Variants in PTCH2 observed in about 807,000 individuals in gnomAD.
PTCH2 encodes the protein protein patched homolog 2.
In PTCH2, 96 loss-of-function variants were observed where a neutral mutation model predicts 117.9. That is an observed-to-expected ratio of 0.81 (90% CI 0.69 to 0.96). PTCH2 has a LOEUF of 0.96. PTCH2 is among the 50% of genes least tolerant of loss of function. The pLI is 0.00. For missense variants in PTCH2, 1,379 were observed against 1,562.5 expected (o/e 0.88, Z 1.98); for synonymous variants, 615 against 660.9 (o/e 0.93, Z 1.06).
Position 44,843,091 on chromosome 1 carries a change from C to A in PTCH2, c.-159G>T. On this transcript the variant is annotated 5_prime_UTR_variant, in exon 1 of 22. Transcript: ENST00000372192. Reference sequence around the variant, plus strand: ...AGACTGTGGGGTGTGGGTGTTAAAGCGGCTGGGAGGGAGGAGTGCAGGGAG... The same window carrying A: ...AGACTGTGGGGTGTGGGTGTTAAAGAGGCTGGGAGGGAGGAGTGCAGGGAG... The A allele has an allele frequency of 7.2e-7, 1 of 1,390,724 alleles. No individual in the cohort carries two copies. Among genetic ancestry groups the A allele is most frequent in the Non-Finnish European group, 9.3e-7 (1 of 1,075,198 alleles). The allele number at this position is 1,390,724 out of a possible 1,614,324, so 86.1% of individuals were successfully genotyped here.
Position 44,828,023 on chromosome 1 carries a change from T to C in PTCH2, c.1878A>G (p.Pro626=). 1 of 1,613,770 alleles carries C rather than the reference T, an allele frequency of 6.2e-7. No individual in the cohort carries two copies. The highest frequency in any genetic ancestry group is 8.5e-7 in the Non-Finnish European group (1 of 1,179,930). ...ILPPQAHLVP[P]PSDPLGSELF... Reference sequence around the variant, plus strand: ...GCTCAGAGCCCAGTGGGTCAGAAGGTGGGGGCACCAGGTGGGCTTGGGGAG... The same window carrying C: ...GCTCAGAGCCCAGTGGGTCAGAAGGCGGGGGCACCAGGTGGGCTTGGGGAG... The change falls in exon 14 of 22, where the codon CCA becomes CCG. Residue 626 remains proline, a synonymous_variant. Transcript: ENST00000372192.
chr1:44,824,253 A>G (rs1317290843), intron 19 of PTCH2, among the ~76,000 whole-genome samples: 1 of 152,198 alleles, frequency 6.6e-6, no homozygotes, highest in Non-Finnish European at 1.5e-5. Context: ...ACCTTTCTGC[A>G]TGCTGGCTTT....
rs781578319 is a variant in PTCH2 at position 44,829,029 on chromosome 1, G to A, written c.1417C>T (p.Leu473=). The stretch of plus-strand genomic sequence containing the variant: ...GCCTCTGTGAAGGCATGCGCCAGCA[G>A]GAATACGTCATCCACGCCGATTCCC... ...ALGIGVDDVF[L]LAHAFTEALP... is the part of the protein sequence containing the mutation. Residue 473 remains leucine (L), a synonymous_variant, in exon 11 of 22, where the codon CTG becomes TTG. Transcript: ENST00000372192. 12 of 1,589,082 alleles carry A rather than the reference G, an allele frequency of 7.6e-6. No homozygotes were observed. Among genetic ancestry groups the A allele is most frequent in the Non-Finnish European group, 1.0e-5 (12 of 1,167,560 alleles).
intron 2 of PTCH2, 104 bp from the exon 3 acceptor site, chr1:44,832,445 G>A: frequency 1.6e-6 from 2 of 1,222,230 alleles, no homozygotes; most frequent in East Asian, 4.7e-5. Flanking sequence ...AGTGGGAGAG[G>A]TGCGGCAGAG....
At chr1:44,828,255 G>C (rs2148876142) in intron 13 of PTCH2, 41 bp downstream of exon 13, 1 of 1,612,772 alleles carries the variant, frequency 6.2e-7, no homozygotes, top group Non-Finnish European at 8.5e-7. Flanking sequence ...GGACAGGCTG[G>C]CGTGGGTCAC....
intron 15 of PTCH2, 38 bp downstream of exon 15, chr1:44,827,364 C>T (rs771834628): frequency 3.1e-6 from 5 of 1,613,494 alleles, no homozygotes; most frequent in Non-Finnish European, 8.5e-7. Context: ...GCGTTTCTCC[C>T]TGCAGCACCC....
downstream of PTCH2, chr1:44,821,810 T>G (rs1434336238): frequency 1.5e-6 from 2 of 1,355,864 alleles, no homozygotes; most frequent in Non-Finnish European, 2.0e-6. Context: ...GAATCTGGGG[T>G]CTTTTCCACC....
At chr1:44,835,515 G>GT (rs1653646674) in intron 2 of PTCH2, among the ~76,000 whole-genome samples, 1 of 152,156 alleles carries the variant, frequency 6.6e-6, no homozygotes, top group Non-Finnish European at 1.5e-5. Flanking sequence ...CTCGTTGCTG[G>GT]TTTACAAGAG....
At position 44,826,215 on chromosome 1, in the gene PTCH2, G is replaced by A. The variant is rs1161379449; in HGVS notation, c.3114+35C>T. Reference sequence around the variant, plus strand: ...ACAATATGTGTTGAATACTGAATCAGCTGATTGGTCCCTCCCCGGGGTGCC... The same window carrying A: ...ACAATATGTGTTGAATACTGAATCAACTGATTGGTCCCTCCCCGGGGTGCC... On this transcript the variant is annotated intron_variant, in intron 19 of 21. Transcript: ENST00000372192. This position sits in a 1 kb window ranked among gnomAD's most constrained non-coding sequence, Gnocchi z 5.1. 1 of 1,608,764 alleles carries A rather than the reference G, an allele frequency of 6.2e-7. No individual in the cohort carries two copies. The highest frequency in any genetic ancestry group is 8.5e-7 in the Non-Finnish European group (1 of 1,177,562).
rs149379394 is a variant in PTCH2 at position 44,831,039 on chromosome 1, G to A, written c.622C>T (p.Arg208Cys). The change falls in exon 6 of 22, where the codon CGC becomes TGC. Residue 208 changes from arginine (R) to cysteine (C), a missense_variant. Transcript: ENST00000372192. This position sits in a 1 kb window ranked among gnomAD's most constrained non-coding sequence, Gnocchi z 4.3. ...AGGTTGGTCCACTGGATATCCGGGC[G>A]GCCGCTGAGGGAAAAGCCTATAGTT... ...LQGGSAYLPG[R>C]PDIQWTNLDP... The A allele has an allele frequency of 1.7e-4, 279 of 1,610,746 alleles. 1 individual carries two copies. In the African/African-American group the frequency reaches 3.4e-3, roughly 20 times the overall value.
intron 2 of PTCH2, among the ~76,000 whole-genome samples, chr1:44,834,911 T>C (rs1653619459): frequency 6.6e-6 from 1 of 152,204 alleles, no homozygotes; most frequent in South Asian, 2.1e-4. Flanking sequence ...GGAAATTGCA[T>C]GGCACACAGT....
chr1:44,830,785 G>T, intron 6 of PTCH2, 63 bp downstream of exon 6: 15 of 1,474,360 alleles, frequency 1.0e-5, no homozygotes, highest in Non-Finnish European at 1.4e-5. Context: ...CAGAACACAG[G>T]AGTATGAGGA....
chr1:44,826,483 C>G lies in PTCH2; in HGVS notation c.2976+5G>C. The G allele has an allele frequency of 1.5e-5, 25 of 1,613,880 alleles. No homozygotes were observed. The highest frequency in any genetic ancestry group is 2.1e-5 in the Non-Finnish European group (25 of 1,180,006). On this transcript the variant is annotated splice_donor_5th_base_variant and intron_variant, in intron 18 of 21. Coordinates refer to ENST00000372192, the MANE Select transcript of PTCH2 (RefSeq NM_003738.5). This position sits in a 1 kb window ranked among gnomAD's most constrained non-coding sequence, Gnocchi z 5.1. Reference sequence around the variant, plus strand: ...GTCTCTGTCCCCACTCCTGCAAGCACTCACTATGAGGCCAGCCGTCCAGGG... The same window carrying G: ...GTCTCTGTCCCCACTCCTGCAAGCAGTCACTATGAGGCCAGCCGTCCAGGG...
At chr1:44,821,799 A>G, downstream of PTCH2, 1 of 1,345,782 alleles carries the variant, frequency 7.4e-7, no homozygotes, top group African/African-American at 1.5e-5. Context: ...ACAAAAATCC[A>G]GAATCTGGGG....
chr1:44,828,690 G>A (rs1293253076), intron 11 of PTCH2, 59 bp from the exon 12 acceptor site: 1 of 1,577,730 alleles, frequency 6.3e-7, no homozygotes, highest in South Asian at 1.1e-5. Context: ...GTGTCAAAGT[G>A]GAGTGAAGGG....
chr1:44,829,094 G>C lies in PTCH2; in HGVS notation c.1372-20C>G. 2 of 1,613,424 alleles carry C rather than the reference G, an allele frequency of 1.2e-6. No individual in the cohort carries two copies. The highest frequency in any genetic ancestry group is 1.7e-5 in the Admixed American group (1 of 59,930). On this transcript the variant is annotated intron_variant, in intron 10 of 21. Coordinates refer to ENST00000372192, the MANE Select transcript of PTCH2 (RefSeq NM_003738.5). ...CAGCACCTGGAGGGGCAGAGGAGCG[G>C]GCAGCTGAGGACCCGTGAAGCCTGG... is the stretch of plus-strand genomic sequence containing the variant.
In PTCH2 at chr1:44,823,167, A is replaced by ACCT. The variant is rs753441947; in HGVS notation, c.3258-2_3258dup (p.Arg1086dup). ...AGCACTGTCAGCGCCGCAAAGAAGT[A>ACCT]CCTAGGGGTAGGGTGTGGGGGGAGT... On this transcript the variant is annotated inframe_insertion and splice_region_variant, in exon 21 of 22. Transcript: ENST00000372192. This position sits in a 1 kb window ranked among gnomAD's most constrained non-coding sequence, Gnocchi z 5.1. 6 of 1,613,956 alleles carry ACCT rather than the reference A, an allele frequency of 3.7e-6. No individual in the cohort carries two copies.
Position 44,828,508 on chromosome 1 carries a change from G to A in PTCH2, c.1588C>T (p.Gln530Ter), listed in dbSNP as rs1267419292. ...PIPALRAFSL[Q>*]AAIVVGCTFV... ...CTGCCCCGTGTGAGAGGCCTCACCT[G>A]TAGGGAGAAGGCTCGCAGCGCAGGG... Residue 530 changes from glutamine to a stop codon, truncating the protein, a stop_gained and splice_region_variant, in exon 12 of 22, where the codon CAG becomes TAG. Coordinates refer to ENST00000372192, the MANE Select transcript of PTCH2 (RefSeq NM_003738.5). LOFTEE classifies it high-confidence loss of function. The A allele has an allele frequency of 8.7e-6, 14 of 1,614,064 alleles. No homozygotes were observed. The highest frequency in any genetic ancestry group is 1.2e-5 in the Non-Finnish European group (14 of 1,180,048).
chr1:44,833,028 CA>C (rs1352061286), intron 2 of PTCH2, among the ~76,000 whole-genome samples: 2 of 152,136 alleles, frequency 1.3e-5, no homozygotes, highest in African/African-American at 4.8e-5. Flanking sequence ...CGAACCCTGG[CA>C]GGGGTGAAAT....
Sources: allele counts gnomAD v4.1 joint callset (sites outside exome capture counted in the v4.1 genomes callset), GRCh38; gene constraint gnomAD v4.1.1; non-coding constraint Gnocchi (gnomAD v3.1); transcripts MANE v1.5; gene names NCBI Gene and HGNC (gene_info 2026-07-23, HGNC 2026-07-21).